The following PRMT1 variants were observed in gnomAD, a reference collection of about 807,000 sequenced individuals.
PRMT1 encodes protein arginine methyltransferase 1, also known as protein arginine N-methyltransferase 1.
A neutral mutation model predicts 47.4 loss-of-function variants in PRMT1; 5 were observed. The observed-to-expected ratio is 0.11, with a 90% CI of 0.06 to 0.22. The LOEUF (loss-of-function observed/expected upper bound fraction) is 0.22, where lower values mean the gene tolerates loss of function less well. Among genes scored for constraint, PRMT1 ranks in the 10% least tolerant of loss-of-function variants. PRMT1 has a pLI of 1.00. For synonymous variants in PRMT1, 227 were observed against 204.6 expected, an observed-to-expected ratio of 1.11 and a Z score of -0.94; for missense variants, 249 against 518.4, an observed-to-expected ratio of 0.48 and a Z score of 5.05.
intron 1 of PRMT1, 85 bp from the exon 2 acceptor site, chr19:49,679,787 C>G (rs919248698): frequency 7.7e-6 from 8 of 1,041,332 alleles, no homozygotes; most frequent in Non-Finnish European, 1.2e-5. Context: ...AAACCCACCC[C>G]CCGGCCAGAG....
chr19:49,685,153 A>G lies in PRMT1; in HGVS notation c.759+116A>G. The G allele has an allele frequency of 6.4e-7, 1 of 1,561,628 alleles. No individual in the cohort carries two copies. The highest frequency in any genetic ancestry group is 8.7e-7 in the Non-Finnish European group (1 of 1,153,950). On this transcript the variant is annotated intron_variant, in intron 8 of 10. Transcript: ENST00000454376. This position sits in a 1 kb window ranked among gnomAD's most constrained non-coding sequence, Gnocchi z 4.7. The stretch of plus-strand genomic sequence containing the variant: ...TGTTGGCCTGAGGTCTCAGAGCCTG[A>G]TCTGCCAGCCAGAGGTGGTGCTAGA...
intron 5 of PRMT1, among the ~76,000 whole-genome samples, chr19:49,682,706 G>A (rs2082136752): frequency 6.6e-6 from 1 of 151,038 alleles, no homozygotes; most frequent in Admixed American, 6.6e-5. Flanking sequence ...TGCTTGTCAT[G>A]TCGTTTAACA....
At chr19:49,687,980 A>G in intron 10 of PRMT1, 182 bp from the exon 11 acceptor site, 1 of 648,532 alleles carries the variant, frequency 1.5e-6, no homozygotes, top group Non-Finnish European at 2.8e-6. Context: ...GGGGGTGTCC[A>G]TGTGGTGCTG....
At chr19:49,683,849 A>T in intron 5 of PRMT1, 78 bp from the exon 6 acceptor site, 1 of 1,530,750 alleles carries the variant, frequency 6.5e-7, no homozygotes, top group Non-Finnish European at 8.9e-7. Flanking sequence ...TGGGGTCCCC[A>T]GGCTCTAGCC....
intron 10 of PRMT1, among the ~76,000 whole-genome samples, chr19:49,687,541 C>T (rs1294562463): frequency 6.7e-6 from 1 of 148,650 alleles, no homozygotes; most frequent in East Asian, 2.0e-4. Flanking sequence ...TTGCCACCGT[C>T]TGTGGAAACA....
upstream of PRMT1, chr19:49,677,197 G>T (rs2082046523): frequency 1.5e-6 from 2 of 1,300,530 alleles, no homozygotes; most frequent in South Asian, 4.4e-5. Flanking sequence ...GCGGGCCGTG[G>T]ACCCTCTGGT....
intron 5 of PRMT1, among the ~76,000 whole-genome samples, chr19:49,683,417 A>T (rs967553966): frequency 6.6e-6 from 1 of 151,906 alleles, no homozygotes; most frequent in African/African-American, 2.4e-5. Flanking sequence ...GGCCGGGCAC[A>T]GTGGCTCACG....
intron 1 of PRMT1, chr19:49,679,482 GAT>G (rs2082083338): frequency 2.0e-6 from 1 of 505,318 alleles, no homozygotes; most frequent in African/African-American, 1.9e-5. Context: ...GGCACCCTAG[GAT>G]AGGGGTGTGT....
chr19:49,677,241 G>A (rs751363392), upstream of PRMT1: 3 of 1,414,850 alleles, frequency 2.1e-6, no homozygotes, highest in South Asian at 3.2e-5. Context: ...GGAGAAAGGG[G>A]GGGTCTTGGC....
upstream of PRMT1, chr19:49,677,215 G>C (rs1275625635): frequency 7.3e-7 from 1 of 1,374,888 alleles, no homozygotes; most frequent in African/African-American, 1.5e-5. Context: ...GGTATAAGGC[G>C]GTCCCGGGGG....
rs2082235966 is a variant in PRMT1, at chr19:49,688,046, G to A, written c.1033-116G>A. 11 of 934,314 alleles carry A rather than the reference G, an allele frequency of 1.2e-5. No individual in the cohort carries two copies. The South Asian group carries it at 1.2e-4, about 10-fold the overall frequency. 57.9% of individuals were successfully genotyped at this position (934,314 alleles called of 1,614,324 possible). On this transcript the variant is annotated intron_variant, in intron 10 of 10. Coordinates refer to ENST00000454376, the MANE Select transcript of PRMT1 (RefSeq NM_001536.6). This position sits in a 1 kb window ranked among gnomAD's most constrained non-coding sequence, Gnocchi z 5.3. ...GTGGGACCAGCAGTTGGGGTCTGCA[G>A]CGTGGAGATGGGCAGGAAGCTGGAG...
Position 49,687,971 on chromosome 19 carries a change from G to T in PRMT1, c.1033-191G>T, listed in dbSNP as rs558118584. On this transcript the variant is annotated intron_variant, in intron 10 of 10. Coordinates refer to ENST00000454376, the MANE Select transcript of PRMT1 (RefSeq NM_001536.6). ...CTCCTGAGTGAGTCTAGTGGGCTTG[G>T]GGGTGTCCATGTGGTGCTGTCCCTT... 44 of 637,592 alleles carry T rather than the reference G, an allele frequency of 6.9e-5. No individual in the cohort carries two copies. The South Asian group carries it at 7.3e-4, about 11-fold the overall frequency. 39.5% of individuals were successfully genotyped at this position (637,592 alleles called of 1,614,324 possible).
intron 1 of PRMT1, among the ~76,000 whole-genome samples, chr19:49,677,863 TG>T (rs2082060766): frequency 1.3e-5 from 2 of 152,168 alleles, no homozygotes; most frequent in Non-Finnish European, 2.9e-5. Context: ...CGGGGGCATC[TG>T]TTGGGATATC....
Position 49,680,668 on chromosome 19 carries a change from C to A in PRMT1, c.192+80C>A. On this transcript the variant is annotated intron_variant, in intron 3 of 10. Coordinates refer to ENST00000454376, the MANE Select transcript of PRMT1 (RefSeq NM_001536.6). The surrounding 1 kb of genome is among the most constrained non-coding windows in gnomAD (Gnocchi z 4.2). ...AAGGGGTGGAACCTGTTTTCCCACG[C>A]ATGCGCACTGCTTCCCCTGGCCGCA... 8.7e-7 allele frequency: 1 copy of A among 1,148,352 alleles called. No homozygotes were observed. The highest frequency in any genetic ancestry group is 1.3e-6 in the Non-Finnish European group (1 of 770,144). The allele number at this position is 1,148,352 out of a possible 1,614,324, so 71.1% of individuals were successfully genotyped here.
rs752697073 is a variant in PRMT1 at position 49,680,611 on chromosome 19, G to GC, written c.192+27dup. 8 of 1,554,834 alleles carry GC rather than the reference G, an allele frequency of 5.1e-6. No homozygotes were observed. The African/African-American group carries it at 1.1e-4, about 21-fold the overall frequency. On this transcript the variant is annotated intron_variant, in intron 3 of 10. Transcript: ENST00000454376. The surrounding 1 kb of genome is among the most constrained non-coding windows in gnomAD (Gnocchi z 4.2). ...GAGGTCAGTGGGGACAGTCCCCAAG[G>GC]CCCCAATCTTAGGGGGGCTTAAATG...
chr19:49,683,782 T>C (rs2122984942), intron 5 of PRMT1, 145 bp from the exon 6 acceptor site: 1 of 904,790 alleles, frequency 1.1e-6, no homozygotes, highest in Middle Eastern at 3.1e-4. Flanking sequence ...GATGTATGAA[T>C]TTTAAAACTG....
Position 49,685,277 on chromosome 19 carries a change from G to A in PRMT1, c.759+240G>A, listed in dbSNP as rs1036239515. 3 of 1,441,780 alleles carry A rather than the reference G, an allele frequency of 2.1e-6. No individual in the cohort carries two copies. Among genetic ancestry groups the A allele is most frequent in the Non-Finnish European group, 1.8e-6 (2 of 1,095,702 alleles). The allele number at this position is 1,441,780 out of a possible 1,614,324, so 89.3% of individuals were successfully genotyped here. ...GCTTCTGGCGGAGGAAACACCCAAA[G>A]CTGGCAGCTAAAGCCCACAGCCCAT... On this transcript the variant is annotated intron_variant, in intron 8 of 10. Coordinates refer to ENST00000454376, the MANE Select transcript of PRMT1 (RefSeq NM_001536.6). This position sits in a 1 kb window ranked among gnomAD's most constrained non-coding sequence, Gnocchi z 4.7.
Position 49,685,194 on chromosome 19 carries a change from C to G in PRMT1, c.759+157C>G, listed in dbSNP as rs779419667. Reference sequence around the variant, plus strand: ...TGGTGCTAGAGGCCCAGGAAAGACACTTCGTCCTTTAAATATCTTTGTGAG... The same window carrying G: ...TGGTGCTAGAGGCCCAGGAAAGACAGTTCGTCCTTTAAATATCTTTGTGAG... On this transcript the variant is annotated intron_variant, in intron 8 of 10. Transcript: ENST00000454376. This position sits in a 1 kb window ranked among gnomAD's most constrained non-coding sequence, Gnocchi z 4.7. 6 of 1,538,566 alleles carry G rather than the reference C, an allele frequency of 3.9e-6. No individual in the cohort carries two copies. In the South Asian group the frequency reaches 7.2e-5, roughly 18 times the overall value.
At chr19:49,683,055 G>T (rs2082143984) in intron 5 of PRMT1, among the ~76,000 whole-genome samples, 1 of 151,752 alleles carries the variant, frequency 6.6e-6, no homozygotes, top group African/African-American at 2.4e-5. Flanking sequence ...CTCCCAAAGT[G>T]CTGGGATTAC....
Sources: gnomAD v4.1 joint callset for allele counts (sites outside exome capture counted in the v4.1 genomes callset) on GRCh38, gnomAD v4.1.1 for gene constraint, Gnocchi (gnomAD v3.1) non-coding constraint, MANE v1.5 for transcripts, NCBI Gene and HGNC (gene_info 2026-07-23, HGNC 2026-07-21) for gene names.